Variants in PDE1C observed in about 807,000 individuals in gnomAD.
The protein encoded by PDE1C is dual specificity calcium/calmodulin-dependent 3',5'-cyclic nucleotide phosphodiesterase 1C.
Under a neutral mutation model 93.1 loss-of-function variants are expected in PDE1C, and 62 were observed. That is an observed-to-expected ratio of 0.67 (90% CI 0.54 to 0.82). The LOEUF (loss-of-function observed/expected upper bound fraction) is 0.82. PDE1C is among the 40% of genes least tolerant of loss of function. The probability of loss-of-function intolerance (pLI) is 0.00; values close to 1 mark genes in which losing one functional copy is unlikely to be tolerated. For synonymous variants in PDE1C, 325 were observed against 310.1 expected (o/e 1.05, Z -0.50); for missense variants, 742 against 884.6 (o/e 0.84, Z 2.04).
At chr7:31,763,869 G>A (rs141068895) in intron 17 of PDE1C, among the ~76,000 whole-genome samples, 2 of 151,922 alleles carry the variant, frequency 1.3e-5, no homozygotes, top group South Asian at 2.1e-4. Context: ...ACAATGAAGA[G>A]ATTAACTTAA....
Position 32,310,740 on chromosome 7 carries a change from C to T in PDE1C, c.311-101201G>A, listed in dbSNP as rs1367318739. Among the ~76,000 whole-genome samples the T allele has an allele frequency of 2.5e-4, 38 of 151,774 alleles. 1 individual carries two copies. The highest frequency in any genetic ancestry group is 2.1e-3 in the South Asian group (10 of 4,752). ...ACACAACATACCAGAATCTCTGGGA[C>T]GCATTCAAAGCAGTGTGTAGAGGGA... On this transcript the variant is annotated intron_variant, in intron 1 of 1. Transcript: ENST00000672256.
chr7:32,360,222 C>T (rs1784111331), intron 1 of PDE1C, among the ~76,000 whole-genome samples: 1 of 152,198 alleles, frequency 6.6e-6, no homozygotes, highest in Non-Finnish European at 1.5e-5. Context: ...GACATCTATG[C>T]TTACCATGAA....
intron 17 of PDE1C, among the ~76,000 whole-genome samples, chr7:31,766,677 T>C (rs902645583): frequency 2.0e-5 from 3 of 152,210 alleles, no homozygotes; most frequent in Admixed American, 6.5e-5. Context: ...AAATATCTAA[T>C]ATTTCTGCAT....
chr7:32,131,412 T>C (rs1799913301), intron 3 of PDE1C, among the ~76,000 whole-genome samples: 1 of 152,134 alleles, frequency 6.6e-6, no homozygotes, highest in Admixed American at 6.6e-5. Context: ...ATGATTTATT[T>C]GTTGTTTGGT....
intron 2 of PDE1C, among the ~76,000 whole-genome samples, chr7:32,003,357 T>C (rs763699864): frequency 6.6e-6 from 1 of 152,234 alleles, no homozygotes; most frequent in Non-Finnish European, 1.5e-5. Context: ...TGCGAATAGA[T>C]GGTGAGATTG....
chr7:31,894,162 C>A (rs970644426), intron 2 of PDE1C, among the ~76,000 whole-genome samples: 1 of 152,236 alleles, frequency 6.6e-6, no homozygotes, highest in African/African-American at 2.4e-5. Context: ...ACATTTGCTA[C>A]TGACTCTCTC....
At chr7:32,071,493 T>C, upstream of PDE1C, 8 of 827,656 alleles carry the variant, frequency 9.7e-6, no homozygotes, top group Non-Finnish European at 1.2e-5. Flanking sequence ...CTCCCTCCCT[T>C]TCACCCCCCC....
intron 1 of PDE1C, among the ~76,000 whole-genome samples, chr7:32,250,054 C>T (rs567728119): frequency 1.3e-5 from 2 of 152,318 alleles, no homozygotes; most frequent in African/African-American, 4.8e-5. Context: ...CCACCATATG[C>T]AGAGCATGTT....
chr7:32,377,865 C>T (rs772946313), intron 1 of PDE1C, among the ~76,000 whole-genome samples: 3 of 152,170 alleles, frequency 2.0e-5, no homozygotes, highest in Non-Finnish European at 4.4e-5. Context: ...GGAAAAACCA[C>T]TGGAGACAGC....
chr7:32,151,040 T>C (rs1160736146), intron 3 of PDE1C, among the ~76,000 whole-genome samples: 2 of 152,184 alleles, frequency 1.3e-5, no homozygotes, highest in Non-Finnish European at 2.9e-5. Context: ...AGGTCCCTAT[T>C]CTTCAAAGAA....
intron 2 of PDE1C, among the ~76,000 whole-genome samples, chr7:31,916,214 T>G (rs1801895553): frequency 6.6e-6 from 1 of 152,164 alleles, no homozygotes; most frequent in South Asian, 2.1e-4. Flanking sequence ...CTATTACTAT[T>G]GACTTCCTCT....
chr7:31,749,126 G>C (rs2128589947), downstream of PDE1C, among the ~76,000 whole-genome samples: 1 of 152,232 alleles, frequency 6.6e-6, no homozygotes, highest in East Asian at 1.9e-4. Flanking sequence ...TGGTGGCTGT[G>C]CTCATGATAA....
rs1219736089 is a variant in PDE1C at position 31,848,114 on chromosome 7, C to T, written c.852-18G>A. 2 of 1,610,070 alleles carry T rather than the reference C, an allele frequency of 1.2e-6. No homozygotes were observed. The highest frequency in any genetic ancestry group is 1.1e-5 in the South Asian group (1 of 90,726). On this transcript the variant is annotated intron_variant, in intron 8 of 17. Coordinates refer to ENST00000396191, the MANE Select transcript of PDE1C (RefSeq NM_001191057.4). The stretch of plus-strand genomic sequence containing the variant: ...GATCAGACCTGAACAGAAAGCCAAG[C>T]AAAATTCAGAATGTTAAACAGTTGT...
At chr7:32,207,943 C>T (rs1158376099) in intron 2 of PDE1C, among the ~76,000 whole-genome samples, 1 of 152,174 alleles carries the variant, frequency 6.6e-6, no homozygotes, top group Non-Finnish European at 1.5e-5. Context: ...ACGATTCATG[C>T]TTATTTATTT....
At chr7:32,112,459 T>C (rs1256009526) in intron 3 of PDE1C, among the ~76,000 whole-genome samples, 1 of 152,124 alleles carries the variant, frequency 6.6e-6, no homozygotes, top group Admixed American at 6.6e-5. Flanking sequence ...TTTAGTTTTC[T>C]TTTTTTAGTT....
At chr7:32,299,370 C>T (rs1812824446), upstream of PDE1C, 1 of 985,602 alleles carries the variant, frequency 1.0e-6, no homozygotes, top group African/African-American at 1.7e-5. Flanking sequence ...CCACTGCCCC[C>T]AGCACTGGCC....
intron 1 of PDE1C, among the ~76,000 whole-genome samples, chr7:32,260,557 G>A (rs11762194): frequency 0.28 from 42,867 of 151,988 alleles, 6,415 homozygotes; most frequent in East Asian, 0.44. Context: ...GAGCGATCTC[G>A]CCTTCCTCGC....
intron 1 of PDE1C, among the ~76,000 whole-genome samples, chr7:32,427,492 A>T (rs898935295): frequency 1.3e-5 from 2 of 152,116 alleles, no homozygotes; most frequent in Non-Finnish European, 2.9e-5. Flanking sequence ...TTCCCGTGGG[A>T]GGAGATGGGA....
At chr7:32,178,052 T>C (rs1803129279) in intron 2 of PDE1C, among the ~76,000 whole-genome samples, 1 of 152,110 alleles carries the variant, frequency 6.6e-6, no homozygotes, top group Non-Finnish European at 1.5e-5. Flanking sequence ...TACCCACACA[T>C]AAGTATGGGG....
Sources: allele counts gnomAD v4.1 joint callset (sites outside exome capture counted in the v4.1 genomes callset), GRCh38; gene constraint gnomAD v4.1.1; transcripts MANE v1.5; gene names NCBI Gene and HGNC (gene_info 2026-07-23, HGNC 2026-07-21).